The following ADH7 variants were observed in gnomAD, a reference collection of about 807,000 sequenced individuals.
ADH7 encodes the protein alcohol dehydrogenase 7 (class IV), mu or sigma polypeptide, also known as all-trans-retinol dehydrogenase [NAD(+)] ADH7.
A neutral mutation model predicts 34.4 loss-of-function variants in ADH7; 41 were observed. The ratio of observed to expected loss-of-function variants is 1.19; its 90% CI spans 0.93 to 1.55. The LOEUF is 1.55. ADH7 is among the 40% of genes most tolerant of loss of function. The pLI is 0.00. For synonymous variants in ADH7, 180 were observed against 160.9 expected, an observed-to-expected ratio of 1.12 and a Z score of -0.90; for missense variants, 540 against 461.2, an observed-to-expected ratio of 1.17 and a Z score of -1.56.
intron 1 of ADH7, among the ~76,000 whole-genome samples, chr4:99,432,958 CACAAGCCACCA>C: frequency 6.6e-6 from 1 of 152,268 alleles, no homozygotes; most frequent in Middle Eastern, 3.4e-3. Flanking sequence ...GGACTACAGG[CACAAGCCACCA>C]TGCTCTGAAA....
intron 5 of ADH7, 152 bp from the exon 6 acceptor site, chr4:99,420,945 G>A (rs1721644293): frequency 2.9e-6 from 2 of 687,504 alleles, no homozygotes; most frequent in Non-Finnish European, 4.8e-6. Flanking sequence ...AACTTACAAG[G>A]GATGTGAAGG....
At chr4:99,425,139 A>T (rs1721769494) in intron 5 of ADH7, among the ~76,000 whole-genome samples, 1 of 152,182 alleles carries the variant, frequency 6.6e-6, no homozygotes, top group South Asian at 2.1e-4. Flanking sequence ...GACTAGGAAG[A>T]AACTGCATCA....
chr4:99,433,071 G>GAAAGTAAT (rs1305097352), intron 1 of ADH7, among the ~76,000 whole-genome samples: 2 of 152,112 alleles, frequency 1.3e-5, no homozygotes, highest in Admixed American at 6.6e-5. Context: ...CAACCCTTTA[G>GAAAGTAAT]AAAGTAATTT....
At chr4:99,420,866 T>A in intron 5 of ADH7, 73 bp from the exon 6 acceptor site, 1 of 1,426,868 alleles carries the variant, frequency 7.0e-7, no homozygotes, top group Non-Finnish European at 9.6e-7. Context: ...GGCCTCCAGT[T>A]AAAAACACAA....
rs752366320 is a variant in ADH7 at position 99,413,146 on chromosome 4, T to TCC, written c.*1_*2insGG. Reference sequence around the variant, plus strand: ...AACACAGACCTCCTGCCACTTTGGATCTCAAAACGTCAGGACCGTTCGAAT... The same window carrying TCC: ...AACACAGACCTCCTGCCACTTTGGATCCCTCAAAACGTCAGGACCGTTCGAAT... On this transcript the variant is annotated 3_prime_UTR_variant, in exon 9 of 9. Coordinates refer to ENST00000437033, the MANE Select transcript of ADH7 (RefSeq NM_000673.7). The TCC allele has an allele frequency of 1.9e-6, 3 of 1,613,526 alleles. No individual in the cohort carries two copies. Among genetic ancestry groups the TCC allele is most frequent in the Non-Finnish European group, 2.5e-6 (3 of 1,179,676 alleles).
At chr4:99,420,461 A>G in intron 6 of ADH7, 72 bp downstream of exon 6, 1 of 1,458,930 alleles carries the variant, frequency 6.9e-7, no homozygotes, top group South Asian at 1.3e-5. Context: ...ATAAAGTTAT[A>G]GACAATTAAA....
intron 7 of ADH7, 34 bp from the exon 8 acceptor site, chr4:99,415,650 T>C: frequency 6.3e-7 from 1 of 1,594,670 alleles, no homozygotes; most frequent in Non-Finnish European, 8.6e-7. Context: ...CTTTAGACAT[T>C]ACTAAATAAT....
At chr4:99,419,934 T>A (rs1005559911) in intron 6 of ADH7, among the ~76,000 whole-genome samples, 2 of 152,200 alleles carry the variant, frequency 1.3e-5, no homozygotes, top group African/African-American at 4.8e-5. Context: ...CTTTACGCTA[T>A]GCCAGGTTGG....
chr4:99,424,324 C>T (rs893405148), intron 5 of ADH7, among the ~76,000 whole-genome samples: 1 of 152,196 alleles, frequency 6.6e-6, no homozygotes, highest in Non-Finnish European at 1.5e-5. Flanking sequence ...ATGCCTCCAG[C>T]TTTGTTCTTT....
intron 1 of ADH7, 140 bp from the exon 2 acceptor site, chr4:99,429,773 T>G (rs1560564919): frequency 1.6e-6 from 1 of 609,530 alleles, no homozygotes. Flanking sequence ...ACTAGTATTA[T>G]AAGCCTTATA....
chr4:99,422,757 C>T (rs187303853), intron 5 of ADH7, among the ~76,000 whole-genome samples: 226 of 150,446 alleles, frequency 1.5e-3, no homozygotes, highest in African/African-American at 5.1e-3. Flanking sequence ...TTTTCAATTG[C>T]ATTTCTTGAT....
chr4:99,424,999 A>G (rs1434965380), intron 5 of ADH7, among the ~76,000 whole-genome samples: 10 of 152,128 alleles, frequency 6.6e-5, no homozygotes. Flanking sequence ...TCAGTATGAC[A>G]TTGGCTGTGG....
intron 8 of ADH7, 49 bp downstream of exon 8, chr4:99,415,429 T>G: frequency 6.3e-7 from 1 of 1,576,186 alleles, no homozygotes; most frequent in Non-Finnish European, 8.6e-7. Flanking sequence ...TACTAAATTT[T>G]AAAAGTAGCC....
At chr4:99,430,006 T>C in intron 1 of ADH7, among the ~76,000 whole-genome samples, 1 of 152,238 alleles carries the variant, frequency 6.6e-6, no homozygotes, top group East Asian at 1.9e-4. Flanking sequence ...AATTGTCCTT[T>C]GTGTATCGCT....
Position 99,414,044 on chromosome 4 carries a change from G to T in ADH7, c.1101-872C>A, listed in dbSNP as rs115534067. 6.9e-3 allele frequency among the ~76,000 whole-genome samples: 1,057 copies of T among 152,274 alleles called. 15 individuals carry two copies. Among genetic ancestry groups the T allele is most frequent in the African/African-American group, 0.023 (961 of 41,576 alleles). On this transcript the variant is annotated intron_variant, in intron 8 of 8. Transcript: ENST00000437033. ...GAAGAGTTTAGGTTTACAAATGTTA[G>T]TTTGGATGTCCCTGCTTTAAGGTGA...
chr4:99,420,833 G>T, intron 5 of ADH7, 40 bp from the exon 6 acceptor site: 4 of 1,592,716 alleles, frequency 2.5e-6, no homozygotes, highest in Non-Finnish European at 3.4e-6. Flanking sequence ...AGGTGTTAGG[G>T]TCAAAAAGTG....
intron 5 of ADH7, among the ~76,000 whole-genome samples, chr4:99,421,822 C>A (rs1018875629): frequency 3.9e-5 from 6 of 151,982 alleles, no homozygotes; most frequent in Admixed American, 3.3e-4. Flanking sequence ...AATGAAGAAC[C>A]CCATCCAAAA....
Position 99,420,668 on chromosome 4 carries a change from C to T in ADH7, c.690G>A (p.Glu230=). 1 of 1,613,908 alleles carries T rather than the reference C, an allele frequency of 6.2e-7. No individual in the cohort carries two copies. The highest frequency in any genetic ancestry group is 8.5e-7 in the Non-Finnish European group (1 of 1,179,940). The part of the protein sequence containing the change: ...IGIDLNKDKF[E]KAMAVGATEC... The stretch of plus-strand genomic sequence containing the variant: ...CAGTGGCACCTACAGCCATGGCCTT[C>T]TCAAATTTGTCTTTGTTGAGGTCAA... Residue 230 remains glutamate (E), a synonymous_variant, in exon 6 of 9, where the codon GAG becomes GAA. Coordinates refer to ENST00000437033, the MANE Select transcript of ADH7 (RefSeq NM_000673.7).
intron 6 of ADH7, 126 bp downstream of exon 6, chr4:99,420,407 A>G (rs1721619354): frequency 8.7e-7 from 1 of 1,147,662 alleles, no homozygotes; most frequent in African/African-American, 1.6e-5. Flanking sequence ...TTTTTGCCTG[A>G]GTAAAACTGA....
Sources: gnomAD v4.1 joint callset for allele counts (sites outside exome capture counted in the v4.1 genomes callset) on GRCh38, gnomAD v4.1.1 for gene constraint, MANE v1.5 for transcripts, NCBI Gene and HGNC (gene_info 2026-07-23, HGNC 2026-07-21) for gene names.